Variants in ISL1 observed in about 807,000 individuals in gnomAD.
The protein encoded by ISL1 is insulin gene enhancer protein ISL-1.
ISL1 carries 4 observed loss-of-function variants against 35.3 expected under a neutral mutation model. That is an observed-to-expected ratio of 0.11 (90% CI 0.06 to 0.26). ISL1 has a LOEUF of 0.26. Among genes scored for constraint, ISL1 ranks in the 10% least tolerant of loss-of-function variants. The probability of loss-of-function intolerance (pLI) is 1.00; values close to 1 mark genes in which losing one functional copy is unlikely to be tolerated. For synonymous variants in ISL1, 186 were observed against 172.3 expected (o/e 1.08, Z -0.62); for missense variants, 340 against 472.8 (o/e 0.72, Z 2.60).
intron 2 of ISL1, chr5:51,386,640 A>T (rs1168731882): frequency 2.2e-6 from 1 of 456,154 alleles, no homozygotes; most frequent in Non-Finnish European, 4.4e-6. Context: ...AGGAAAGGCC[A>T]GGAGTGAGAA....
intron 2 of ISL1, chr5:51,386,430 A>T: frequency 2.7e-6 from 1 of 377,056 alleles, no homozygotes; most frequent in Admixed American, 3.3e-5. Flanking sequence ...GTAGTTGTAA[A>T]AGCAGAACAG....
Position 51,384,569 on chromosome 5 carries a change from T to C in ISL1, c.57T>C (p.Gly19=), listed in dbSNP as rs1481938951. ...AACGTCTGATTTCCCTATGTGTTGG[T>C]TGCGGCAATCAGATTCACGATCAGT... ...KKKRLISLCV[G]CGNQIHDQYI... is the part of the protein sequence containing the mutation. Residue 19 remains glycine, a synonymous_variant, in exon 2 of 6, where the codon GGT becomes GGC. Transcript: ENST00000230658. The C allele has an allele frequency of 3.1e-6, 5 of 1,614,192 alleles. No homozygotes were observed. The African/African-American group carries it at 5.3e-5, about 17-fold the overall frequency.
chr5:51,387,711 T>C lies in ISL1; in HGVS notation c.440T>C (p.Leu147Pro), dbSNP rs761696003. The C allele has an allele frequency of 1.9e-6, 3 of 1,614,060 alleles. No homozygotes were observed. Among genetic ancestry groups the C allele is most frequent in the African/African-American group, 2.7e-5 (2 of 74,940 alleles). Residue 147 changes from leucine to proline, a missense_variant, in exon 3 of 6, where the codon CTC (leucine) becomes CCC (proline). Physicochemically the swap from Leu to Pro is moderately conservative, Grantham distance 98. This residue lies in a region of ISL1 where 94 missense variants were observed against 102.1 expected (regional missense o/e 0.92). Transcript: ENST00000230658. This position sits in a 1 kb window ranked among gnomAD's most constrained non-coding sequence, Gnocchi z 4.3. Reference sequence around the variant, plus strand: ...GCCAGTCTAGGCGCTGGCGACCCGCTCAGTCCCCTGCATCCAGCGCGGCCA... The same window carrying C: ...GCCAGTCTAGGCGCTGGCGACCCGCCCAGTCCCCTGCATCCAGCGCGGCCA... Reference protein sequence around the residue: ...ERASLGAGDPLSPLHPARPLQ... With the variant: ...ERASLGAGDPPSPLHPARPLQ...
chr5:51,389,956 G>T lies in ISL1; in HGVS notation c.765+24G>T. The T allele has an allele frequency of 1.2e-6, 2 of 1,610,478 alleles. No individual in the cohort carries two copies. Among genetic ancestry groups the T allele is most frequent in the South Asian group, 2.2e-5 (2 of 90,972 alleles). ...CTGTGAGTGGCTCTGGGGCCGGGCA[G>T]GGAATGCGAGGGGGAAGGAGACGCA... On this transcript the variant is annotated intron_variant, in intron 4 of 5. Coordinates refer to ENST00000230658, the MANE Select transcript of ISL1 (RefSeq NM_002202.3). This position sits in a 1 kb window ranked among gnomAD's most constrained non-coding sequence, Gnocchi z 5.0.
At position 51,387,381 on chromosome 5, in the gene ISL1, C is replaced by T. The variant is rs531114159; in HGVS notation, c.219-109C>T. 40 of 1,154,782 alleles carry T rather than the reference C, an allele frequency of 3.5e-5. No individual in the cohort carries two copies. The East Asian group carries it at 8.4e-4, about 24-fold the overall frequency. The allele number at this position is 1,154,782 out of a possible 1,614,324, so 71.5% of individuals were successfully genotyped here. A position where few individuals can be genotyped will look rare whatever the true frequency, so the allele number is the denominator to read the frequency against. The stretch of plus-strand genomic sequence containing the variant: ...GTTTGGAAATGCTGTTTACTTGGGG[C>T]GTCTTGCCCGGGATCTTGGGCCAGG... On this transcript the variant is annotated intron_variant, in intron 2 of 5. Coordinates refer to ENST00000230658, the MANE Select transcript of ISL1 (RefSeq NM_002202.3). The surrounding 1 kb of genome is among the most constrained non-coding windows in gnomAD (Gnocchi z 4.3).
In ISL1 at chr5:51,387,452, C is replaced by T; in HGVS notation, c.219-38C>T. 1 of 1,611,148 alleles carries T rather than the reference C, an allele frequency of 6.2e-7. No individual in the cohort carries two copies. Among genetic ancestry groups the T allele is most frequent in the South Asian group, 1.1e-5 (1 of 90,432 alleles). On this transcript the variant is annotated intron_variant, in intron 2 of 5. Coordinates refer to ENST00000230658, the MANE Select transcript of ISL1 (RefSeq NM_002202.3). This position sits in a 1 kb window ranked among gnomAD's most constrained non-coding sequence, Gnocchi z 4.3. ...CCCCCTCTTCCTGTACTTCTCTCCC[C>T]GCTCTGGGCCGCCTCCGCTCCCCCC...
intron 4 of ISL1, 136 bp downstream of exon 4, chr5:51,390,068 C>T (rs969433355): frequency 1.2e-5 from 13 of 1,048,142 alleles, no homozygotes; most frequent in Middle Eastern, 5.8e-4. Flanking sequence ...TGCCCCTCAT[C>T]CTTACCCCCC....
chr5:51,383,558 C>CA lies in ISL1; in HGVS notation c.-112dup. On this transcript the variant is annotated 5_prime_UTR_variant, in exon 1 of 6. Transcript: ENST00000230658. Reference sequence around the variant, plus strand: ...CGAGCAGCGGCTCTTTCAGCATTGGCAACCCCAGGGGCCAATATTTCCCAC... The same window carrying CA: ...CGAGCAGCGGCTCTTTCAGCATTGGCAAACCCCAGGGGCCAATATTTCCCAC... 1.1e-6 allele frequency: 1 copy of CA among 927,016 alleles called. No homozygotes were observed. Among genetic ancestry groups the CA allele is most frequent in the Non-Finnish European group, 1.8e-6 (1 of 555,514 alleles). 57.4% of individuals were successfully genotyped at this position (927,016 alleles called of 1,614,324 possible). A position where few individuals can be genotyped will look rare whatever the true frequency, so the allele number is the denominator to read the frequency against.
At position 51,394,549 on chromosome 5, in the gene ISL1, A is replaced by AT. The variant is rs1253721054; in HGVS notation, c.*945dup. The AT allele has an allele frequency of 6.6e-6, 1 of 152,328 alleles. No homozygotes were observed. The allele number at this position is 152,328 out of a possible 1,614,324, so 9.4% of individuals were successfully genotyped here. A position where few individuals can be genotyped will look rare whatever the true frequency, so the allele number is the denominator to read the frequency against. On this transcript the variant is annotated 3_prime_UTR_variant, in exon 6 of 6. Transcript: ENST00000230658. ...CTTGCCACTTTTCATGTCATTTGAC[A>AT]TTTTTTGTTTGCTGAAGTGAAAAAA... is the stretch of plus-strand genomic sequence containing the variant.
At position 51,391,454 on chromosome 5, in the gene ISL1, T is replaced by C. The variant is rs1394330740; in HGVS notation, c.933+13T>C. 1 of 1,613,886 alleles carries C rather than the reference T, an allele frequency of 6.2e-7. No homozygotes were observed. The highest frequency in any genetic ancestry group is 1.7e-5 in the Admixed American group (1 of 60,020). On this transcript the variant is annotated intron_variant, in intron 5 of 5. Coordinates refer to ENST00000230658, the MANE Select transcript of ISL1 (RefSeq NM_002202.3). ...TTTTCAGCAACTGGTAAGTGTCAGC[T>C]CCCAGATGGAAGAGGCTGAATTCCC...
chr5:51,389,719 G>A lies in ISL1; in HGVS notation c.552G>A (p.Val184=). 2.5e-6 allele frequency: 4 copies of A among 1,614,024 alleles called. No individual in the cohort carries two copies. Among genetic ancestry groups the A allele is most frequent in the Non-Finnish European group, 3.4e-6 (4 of 1,180,034 alleles). The change falls in exon 4 of 6, where the codon GTG becomes GTA. Residue 184 remains valine (V), a synonymous_variant. Coordinates refer to ENST00000230658, the MANE Select transcript of ISL1 (RefSeq NM_002202.3). The surrounding 1 kb of genome is among the most constrained non-coding windows in gnomAD (Gnocchi z 5.0). ...VHKQPEKTTR[V]RTVLNEKQLH... ...AGCAGCCGGAGAAGACCACCCGCGT[G>A]CGGACTGTGCTGAACGAGAAGCAGC...
At position 51,390,642 on chromosome 5, in the gene ISL1, CTTTTTTTTTTTTTTTTTTTTTTTTTT is replaced by C. The variant is rs57707586; in HGVS notation, c.766-619_766-594del. Reference sequence around the variant, plus strand: ...TCCTTTTTTTCTTTTCTTTCTTTTTCTTTTTTTTTTTTTTTTTTTTTTTTTTTTTTTTTTTTTTACTGCTTTGGACC... The same window carrying C: ...TCCTTTTTTTCTTTTCTTTCTTTTTCTTTTTTTTTTTTACTGCTTTGGACC... On this transcript the variant is annotated intron_variant, in intron 4 of 5. Transcript: ENST00000230658. 7.3e-3 allele frequency among the ~76,000 whole-genome samples: 294 copies of C among 40,260 alleles called. 8 individuals are homozygous for C. The highest frequency in any genetic ancestry group is 0.027 in the African/African-American group (274 of 10,012). 26.4% of individuals were successfully genotyped at this position (40,260 alleles called of 152,430 possible). A position where few individuals can be genotyped will look rare whatever the true frequency, so the allele number is the denominator to read the frequency against.
chr5:51,392,269 A>G (rs1192850758), intron 5 of ISL1, among the ~76,000 whole-genome samples: 1 of 152,202 alleles, frequency 6.6e-6, no homozygotes, highest in Non-Finnish European at 1.5e-5. Flanking sequence ...AGAACAATAA[A>G]TATATGTCCT....
intron 1 of ISL1, 60 bp from the exon 2 acceptor site, chr5:51,384,481 G>A: frequency 3.4e-6 from 5 of 1,472,576 alleles, no homozygotes; most frequent in Non-Finnish European, 4.8e-6. Context: ...GACACTAAAA[G>A]TGTGTTTATC....
chr5:51,384,156 C>A (rs1188252371), intron 1 of ISL1, among the ~76,000 whole-genome samples: 1 of 151,514 alleles, frequency 6.6e-6, no homozygotes, highest in African/African-American at 2.4e-5. Flanking sequence ...ATATAGACAT[C>A]CCTGCGTTCA....
chr5:51,394,702 T>G lies in ISL1; in HGVS notation c.*1092T>G, dbSNP rs1747597624. On this transcript the variant is annotated 3_prime_UTR_variant, in exon 6 of 6. Coordinates refer to ENST00000230658, the MANE Select transcript of ISL1 (RefSeq NM_002202.3). ...TATATCTTCAGGACTATTTCACTAA[T>G]AAACATTTGGCATAGATAAATAAAT... is the stretch of plus-strand genomic sequence containing the variant. The G allele has an allele frequency of 6.5e-6, 1 of 152,676 alleles. No individual in the cohort carries two copies. Among genetic ancestry groups the G allele is most frequent in the African/African-American group, 2.4e-5 (1 of 41,466 alleles). The allele number at this position is 152,676 out of a possible 1,614,324, so 9.5% of individuals were successfully genotyped here.
At chr5:51,386,049 G>A (rs1169763827) in intron 2 of ISL1, among the ~76,000 whole-genome samples, 1 of 152,098 alleles carries the variant, frequency 6.6e-6, no homozygotes, top group Non-Finnish European at 1.5e-5. Context: ...GGTACAGGAA[G>A]GGGGAGGGAT....
chr5:51,384,200 T>C (rs1451263504), intron 1 of ISL1, among the ~76,000 whole-genome samples: 1 of 143,968 alleles, frequency 6.9e-6, no homozygotes, highest in Non-Finnish European at 1.5e-5. Flanking sequence ...TTTCTTTGAC[T>C]TGACTTATCC....
chr5:51,383,514 C>T lies in ISL1; in HGVS notation c.-158C>T, dbSNP rs1747262525. On this transcript the variant is annotated 5_prime_UTR_variant, in exon 1 of 6. Transcript: ENST00000230658. ...CCGGCTTAAATTGGACTCCTAGATCCGCGAGGGCGCGGCGCAGCCGAGCAG... is the reference window on the plus strand; with the variant it reads ...CCGGCTTAAATTGGACTCCTAGATCTGCGAGGGCGCGGCGCAGCCGAGCAG... 1.4e-6 allele frequency: 1 copy of T among 724,054 alleles called. No individual in the cohort carries two copies. Among genetic ancestry groups the T allele is most frequent in the African/African-American group, 1.7e-5 (1 of 57,344 alleles). The allele number at this position is 724,054 out of a possible 1,614,324, so 44.9% of individuals were successfully genotyped here.
Sources: gnomAD v4.1 joint callset for allele counts (sites outside exome capture counted in the v4.1 genomes callset) on GRCh38, gnomAD v4.1.1 for gene constraint, gnomAD v4.1.1 regional missense constraint, Gnocchi (gnomAD v3.1) non-coding constraint, MANE v1.5 for transcripts, NCBI Gene and HGNC (gene_info 2026-07-23, HGNC 2026-07-21) for gene names.